The following DCUN1D4 variants were observed in gnomAD, a reference collection of about 807,000 sequenced individuals.
DCUN1D4 encodes the protein DCN1-like protein 4.
A neutral mutation model predicts 47.9 loss-of-function variants in DCUN1D4; 22 were observed. That is an observed-to-expected ratio of 0.46 (90% CI 0.33 to 0.66). The LOEUF (loss-of-function observed/expected upper bound fraction) is 0.66, where lower values mean the gene tolerates loss of function less well. Among genes scored for constraint, DCUN1D4 ranks in the 30% least tolerant of loss-of-function variants. DCUN1D4 has a pLI of 0.02. For missense variants in DCUN1D4, 301 were observed against 340.8 expected (o/e 0.88, Z 0.92); for synonymous variants, 121 against 112.2 (o/e 1.08, Z -0.50).
chr4:51,887,294 G>T, intron 6 of DCUN1D4: 1 of 325,752 alleles, frequency 3.1e-6, no homozygotes, highest in Non-Finnish European at 6.0e-6. Context: ...AGTAGAGATG[G>T]GATTTCACCA....
intron 7 of DCUN1D4, among the ~76,000 whole-genome samples, chr4:51,892,328 G>T (rs912200589): frequency 6.6e-6 from 1 of 152,100 alleles, no homozygotes; most frequent in Non-Finnish European, 1.5e-5. Context: ...AAAATCTGGG[G>T]TTTATTTTGT....
chr4:51,877,729 T>C lies in DCUN1D4; in HGVS notation c.252-34T>C, dbSNP rs374166989. The C allele has an allele frequency of 1.3e-4, 182 of 1,399,246 alleles. No individual in the cohort carries two copies. In the African/African-American group the frequency reaches 2.4e-3, roughly 19 times the overall value. The allele number at this position is 1,399,246 out of a possible 1,614,324, so 86.7% of individuals were successfully genotyped here. A position where few individuals can be genotyped will look rare whatever the true frequency, so the allele number is the denominator to read the frequency against. On this transcript the variant is annotated intron_variant, in intron 4 of 10. Transcript: ENST00000334635. ...TGCTACTTTAAAGAACTCAGTATCT[T>C]TAAATAACTTAAAACTGCCTTTTCA...
Position 51,915,347 on chromosome 4 carries a change from C to G in DCUN1D4, c.*1763C>G, listed in dbSNP as rs1404049364. 2 of 152,348 alleles carry G rather than the reference C, an allele frequency of 1.3e-5. No individual in the cohort carries two copies. Among genetic ancestry groups the G allele is most frequent in the Non-Finnish European group, 2.9e-5 (2 of 67,986 alleles). The allele number at this position is 152,348 out of a possible 1,614,324, so 9.4% of individuals were successfully genotyped here. On this transcript the variant is annotated 3_prime_UTR_variant, in exon 11 of 11. Coordinates refer to ENST00000334635, the MANE Select transcript of DCUN1D4 (RefSeq NM_001040402.3). ...GAAATAAACCAGAAGTTTAAAAAAC[C>G]CTGTAGTGATTAAGCATACTTAACC...
At chr4:51,844,770 C>T in intron 1 of DCUN1D4, 1 of 949,396 alleles carries the variant, frequency 1.1e-6, no homozygotes, top group Non-Finnish European at 1.3e-6. Context: ...GCGGTCCCGC[C>T]GAATTCTGGG....
At chr4:51,883,737 T>C (rs1350524122) in intron 5 of DCUN1D4, among the ~76,000 whole-genome samples, 4 of 152,194 alleles carry the variant, frequency 2.6e-5, no homozygotes, top group Admixed American at 2.6e-4. Context: ...AATAAATATG[T>C]ATATATTCCA....
intron 6 of DCUN1D4, among the ~76,000 whole-genome samples, chr4:51,887,714 A>C (rs998492911): frequency 1.2e-4 from 19 of 152,216 alleles, no homozygotes; most frequent in African/African-American, 4.6e-4. Context: ...TCTGGTGCCC[A>C]GGCATGTATG....
chr4:51,876,213 T>C (rs549617460), intron 4 of DCUN1D4, among the ~76,000 whole-genome samples: 59 of 152,306 alleles, frequency 3.9e-4, no homozygotes, highest in African/African-American at 1.3e-3. Context: ...GTGGCACATA[T>C]ACACCATGGA....
intron 1 of DCUN1D4, chr4:51,860,469 A>G (rs1260572380): frequency 2.3e-5 from 9 of 399,090 alleles, no homozygotes; most frequent in African/African-American, 1.2e-4. Flanking sequence ...CCATTCTTGC[A>G]TTACTATAAA....
rs552779950 is a variant in DCUN1D4, at chr4:51,852,521, G to T, written c.25+9254G>T. On this transcript the variant is annotated intron_variant, in intron 1 of 10. Coordinates refer to ENST00000334635, the MANE Select transcript of DCUN1D4 (RefSeq NM_001040402.3). ...TTAATTATTAATTAAACAGGAAACG[G>T]GATAGTTGTACATTTAAGTCCAATA... Among the ~76,000 whole-genome samples the T allele has an allele frequency of 2.6e-5, 4 of 152,202 alleles. No homozygotes were observed. The East Asian group carries it at 7.7e-4, about 29-fold the overall frequency.
Position 51,863,475 on chromosome 4 carries a change from A to G in DCUN1D4, c.64A>G (p.Ile22Val). 3 of 1,613,124 alleles carry G rather than the reference A, an allele frequency of 1.9e-6. No homozygotes were observed. The highest frequency in any genetic ancestry group is 2.5e-6 in the Non-Finnish European group (3 of 1,179,564). The change falls in exon 2 of 11, where the codon ATT (isoleucine) becomes GTT (valine). Residue 22 changes from isoleucine (I) to valine (V), a missense_variant. Ile to Val is a conservative substitution (Grantham distance 29). Around this residue, in one of 2 missense-constraint regions of DCUN1D4, gnomAD observed 131 missense variants for 106.3 expected, o/e 1.23. Coordinates refer to ENST00000334635, the MANE Select transcript of DCUN1D4 (RefSeq NM_001040402.3). ...LNSHLSTLAN[I>V]HKIYHTLNKL... ...CTCTCATCTCTCAACACTGGCAAAT[A>G]TTCATAAGATCTACCACACCCTTAA...
chr4:51,893,518 C>T (rs1257639264), intron 7 of DCUN1D4, among the ~76,000 whole-genome samples: 3 of 152,050 alleles, frequency 2.0e-5, no homozygotes, highest in Non-Finnish European at 2.9e-5. Flanking sequence ...CTCCGCCTCC[C>T]GGGTTCAAGT....
At position 51,914,514 on chromosome 4, in the gene DCUN1D4, A is replaced by G. The variant is rs1042318701; in HGVS notation, c.*930A>G. ...GCATCGCACTTCTAGTTGTGGCTTG[A>G]ATTTTCAGTTAAGCTTTCATGGTAT... On this transcript the variant is annotated 3_prime_UTR_variant, in exon 11 of 11. Transcript: ENST00000334635. 1.3e-5 allele frequency: 2 copies of G among 152,442 alleles called. No individual in the cohort carries two copies. Among genetic ancestry groups the G allele is most frequent in the African/African-American group, 4.8e-5 (2 of 41,406 alleles). 9.4% of individuals were successfully genotyped at this position (152,442 alleles called of 1,614,324 possible).
chr4:51,845,001 A>C (rs1337057086), intron 1 of DCUN1D4: 1 of 985,324 alleles, frequency 1.0e-6, no homozygotes, highest in African/African-American at 1.7e-5. Context: ...AGCCCACGCC[A>C]GGCGCAGCCC....
intron 1 of DCUN1D4, among the ~76,000 whole-genome samples, chr4:51,861,716 T>A (rs936587286): frequency 6.6e-6 from 1 of 152,086 alleles, no homozygotes; most frequent in Middle Eastern, 3.2e-3. Flanking sequence ...GCCCAAGAGT[T>A]TAACTTCATA....
Position 51,848,228 on chromosome 4 carries a change from G to A in DCUN1D4, c.25+4961G>A, listed in dbSNP as rs985247146. 40 of 1,289,078 alleles carry A rather than the reference G, an allele frequency of 3.1e-5. No homozygotes were observed. In the East Asian group the frequency reaches 7.8e-4, roughly 25 times the overall value. 79.9% of individuals were successfully genotyped at this position (1,289,078 alleles called of 1,614,324 possible). ...AGATATCAGTTTTAGAGAATGTGGCGTGGAGAAATTCTCAAGGAAAGAGTA... is the reference window on the plus strand; with the variant it reads ...AGATATCAGTTTTAGAGAATGTGGCATGGAGAAATTCTCAAGGAAAGAGTA... On this transcript the variant is annotated intron_variant, in intron 1 of 10. Transcript: ENST00000334635.
intron 6 of DCUN1D4, among the ~76,000 whole-genome samples, chr4:51,890,216 G>A (rs1405242139): frequency 6.6e-6 from 1 of 152,122 alleles, no homozygotes; most frequent in Non-Finnish European, 1.5e-5. Flanking sequence ...TAATGGACAT[G>A]TTGGCTCTCG....
the DCUN1D4 span, among the ~76,000 whole-genome samples, chr4:51,837,936 A>C: frequency 2.6e-4 from 39 of 152,182 alleles, no homozygotes; most frequent in South Asian, 1.0e-3. Flanking sequence ...CAGCACTTTG[A>C]GAGGCTTGAG....
chr4:51,848,570 G>C (rs1017574236), intron 1 of DCUN1D4, among the ~76,000 whole-genome samples: 5 of 152,070 alleles, frequency 3.3e-5, no homozygotes, highest in Admixed American at 3.3e-4. Flanking sequence ...AACTCGAATT[G>C]GTATTAATTC....
In DCUN1D4 at chr4:51,913,659, A is replaced by G; in HGVS notation, c.*75A>G. Reference sequence around the variant, plus strand: ...CCATTAGCCATAAATTGCTGTTTGTATCAAAGCGCATGCTGCTTCTCTTGC... The same window carrying G: ...CCATTAGCCATAAATTGCTGTTTGTGTCAAAGCGCATGCTGCTTCTCTTGC... On this transcript the variant is annotated 3_prime_UTR_variant, in exon 11 of 11. Coordinates refer to ENST00000334635, the MANE Select transcript of DCUN1D4 (RefSeq NM_001040402.3). 7.6e-7 allele frequency: 1 copy of G among 1,310,716 alleles called. No individual in the cohort carries two copies. The highest frequency in any genetic ancestry group is 1.1e-6 in the Non-Finnish European group (1 of 910,796). The allele number at this position is 1,310,716 out of a possible 1,614,324, so 81.2% of individuals were successfully genotyped here.
Sources: allele counts gnomAD v4.1 joint callset (sites outside exome capture counted in the v4.1 genomes callset), GRCh38; gene constraint gnomAD v4.1.1; regional missense constraint gnomAD v4.1.1; transcripts MANE v1.5; gene names NCBI Gene and HGNC (gene_info 2026-07-23, HGNC 2026-07-21).